DNM3: variants seen among roughly 807,000 people sequenced by gnomAD.
DNM3 encodes dynamin 3, also known as dynamin-3.
Under a neutral mutation model 101.6 loss-of-function variants are expected in DNM3, and 47 were observed. The ratio of observed to expected loss-of-function variants is 0.46; its 90% CI spans 0.37 to 0.59. The LOEUF is 0.59. Among genes scored for constraint, DNM3 ranks in the 20% least tolerant of loss-of-function variants. The pLI, the probability that DNM3 is intolerant of heterozygous loss-of-function variation, is 0.00. For synonymous variants in DNM3, 385 were observed against 387.9 expected (o/e 0.99, Z 0.09); for missense variants, 849 against 1,085.7 (o/e 0.78, Z 3.06).
intron 8 of DNM3, among the ~76,000 whole-genome samples, chr1:172,043,550 G>A (rs2049549347): frequency 6.6e-6 from 1 of 152,176 alleles, no homozygotes; most frequent in South Asian, 2.1e-4. Flanking sequence ...CCCAGCTCAA[G>A]TGTGTAAGGG....
intron 2 of DNM3, among the ~76,000 whole-genome samples, chr1:171,931,281 T>C (rs1390845852): frequency 6.6e-6 from 1 of 152,204 alleles, no homozygotes; most frequent in Non-Finnish European, 1.5e-5. Flanking sequence ...TCCCAGCTGA[T>C]ATCTGGAGAA....
chr1:171,988,291 A>G (rs2045407698), intron 3 of DNM3, among the ~76,000 whole-genome samples: 1 of 152,170 alleles, frequency 6.6e-6, no homozygotes, highest in South Asian at 2.1e-4. Context: ...ATGCTGACTA[A>G]ATTTTTAGTG....
intron 15 of DNM3, among the ~76,000 whole-genome samples, chr1:172,266,199 T>C (rs2148729214): frequency 6.6e-6 from 1 of 152,312 alleles, no homozygotes; most frequent in Middle Eastern, 3.4e-3. Context: ...AGGTTGTTCA[T>C]TTATATACCT....
chr1:172,333,525 A>G (rs946164383), intron 17 of DNM3, among the ~76,000 whole-genome samples: 3 of 152,214 alleles, frequency 2.0e-5, no homozygotes, highest in Non-Finnish European at 4.4e-5. Context: ...TAAAGAAACT[A>G]TAAGCAAAGA....
At chr1:172,139,910 T>C (rs1342551060) in intron 14 of DNM3, 1 of 152,044 alleles carries the variant, frequency 6.6e-6, no homozygotes, top group Non-Finnish European at 1.5e-5. Flanking sequence ...TTCACATCTT[T>C]AGAAGTATTA....
intron 14 of DNM3, among the ~76,000 whole-genome samples, chr1:172,231,231 C>T (rs1455746709): frequency 6.6e-6 from 1 of 151,862 alleles, no homozygotes; most frequent in East Asian, 2.0e-4. Context: ...AGACTGACAC[C>T]TCACACGGCC....
intron 13 of DNM3, among the ~76,000 whole-genome samples, chr1:172,109,140 C>G (rs1054890564): frequency 6.6e-6 from 1 of 152,102 alleles, no homozygotes. Flanking sequence ...ATAACAAAAA[C>G]CTTAGTTTAA....
rs372670602 is a variant in DNM3 at position 171,907,085 on chromosome 1, G to A, written c.162-14663G>A. 1.8e-4 allele frequency among the ~76,000 whole-genome samples: 28 copies of A among 152,272 alleles called. No individual in the cohort carries two copies. In the East Asian group the frequency reaches 5.2e-3, roughly 28 times the overall value. On this transcript the variant is annotated intron_variant, in intron 1 of 20. Transcript: ENST00000627582. The stretch of plus-strand genomic sequence containing the variant: ...AACTGTCTCCACTGCTGCCATTCTG[G>A]TCTAGGCTTCCCTGATGTTTTGCCT...
chr1:172,178,634 T>A (rs973346071), intron 14 of DNM3, among the ~76,000 whole-genome samples: 2 of 151,582 alleles, frequency 1.3e-5, no homozygotes, highest in Non-Finnish European at 2.9e-5. Flanking sequence ...AGAAAGGGTG[T>A]GCAAGAGATA....
At chr1:171,999,187 T>C (rs939860786) in intron 4 of DNM3, among the ~76,000 whole-genome samples, 2 of 151,828 alleles carry the variant, frequency 1.3e-5, no homozygotes, top group Non-Finnish European at 2.9e-5. Flanking sequence ...AGAGGTCCAG[T>C]AGGGGGTGAG....
At chr1:172,006,855 T>C (rs961308540) in intron 4 of DNM3, among the ~76,000 whole-genome samples, 1 of 152,112 alleles carries the variant, frequency 6.6e-6, no homozygotes, top group Admixed American at 6.6e-5. Context: ...TGAACTGTTT[T>C]CTGTCACTAT....
intron 2 of DNM3, among the ~76,000 whole-genome samples, chr1:171,978,558 A>G (rs1014602520): frequency 6.6e-6 from 1 of 152,188 alleles, no homozygotes; most frequent in African/African-American, 2.4e-5. Flanking sequence ...CGGACTTTGT[A>G]GAGTAGGCCA....
intron 13 of DNM3, among the ~76,000 whole-genome samples, chr1:172,106,109 G>T (rs2054994463): frequency 6.6e-6 from 1 of 152,014 alleles, no homozygotes; most frequent in African/African-American, 2.4e-5. Flanking sequence ...CAGTTTTAAT[G>T]TTGGATTTTT....
chr1:172,197,688 C>T (rs973782226), intron 14 of DNM3, among the ~76,000 whole-genome samples: 73 of 151,650 alleles, frequency 4.8e-4, no homozygotes, highest in Non-Finnish European at 1.6e-4. Context: ...ATGGGATTGC[C>T]TTTCTGATTT....
At chr1:172,197,055 T>A (rs2059977195) in intron 14 of DNM3, among the ~76,000 whole-genome samples, 1 of 152,152 alleles carries the variant, frequency 6.6e-6, no homozygotes, top group Non-Finnish European at 1.5e-5. Context: ...TACATTTAAA[T>A]CTTTAATCCA....
intron 17 of DNM3, among the ~76,000 whole-genome samples, chr1:172,348,913 T>G (rs2067069905): frequency 6.6e-6 from 1 of 152,178 alleles, no homozygotes; most frequent in Non-Finnish European, 1.5e-5. Flanking sequence ...AAATTCAAAT[T>G]CTGAAAAGGT....
At chr1:172,041,952 G>A in intron 7 of DNM3, 57 bp from the exon 8 acceptor site, 1 of 1,500,424 alleles carries the variant, frequency 6.7e-7, no homozygotes, top group Non-Finnish European at 8.9e-7. Context: ...AAAAGAAAAT[G>A]AAGAGTGCAA....
At chr1:171,903,909 A>G (rs2038591548) in intron 1 of DNM3, among the ~76,000 whole-genome samples, 1 of 152,222 alleles carries the variant, frequency 6.6e-6, no homozygotes, top group African/African-American at 2.4e-5. Flanking sequence ...ATTCTCTACT[A>G]TACATGGGCA....
At chr1:172,344,819 T>C (rs2066858311) in intron 17 of DNM3, among the ~76,000 whole-genome samples, 1 of 152,246 alleles carries the variant, frequency 6.6e-6, no homozygotes, top group African/African-American at 2.4e-5. Flanking sequence ...TAATGGTTGA[T>C]TTGAATTTTG....
Sources: gnomAD v4.1 joint callset for allele counts (sites outside exome capture counted in the v4.1 genomes callset) on GRCh38, gnomAD v4.1.1 for gene constraint, MANE v1.5 for transcripts, NCBI Gene and HGNC (gene_info 2026-07-23, HGNC 2026-07-21) for gene names.